The following ZRANB3 variants were observed in gnomAD, a reference collection of about 807,000 sequenced individuals.
ZRANB3 encodes DNA annealing helicase and endonuclease ZRANB3.
A neutral mutation model predicts 133.8 loss-of-function variants in ZRANB3; 125 were observed. The ratio of observed to expected loss-of-function variants is 0.93; its 90% CI spans 0.81 to 1.08. The LOEUF (loss-of-function observed/expected upper bound fraction) is 1.08. Among genes scored for constraint, ZRANB3 ranks in the 50% least tolerant of loss-of-function variants. ZRANB3 has a pLI of 0.00. For missense variants in ZRANB3, 1,229 were observed against 1,275.5 expected, an observed-to-expected ratio of 0.96 and a Z score of 0.56; for synonymous variants, 387 against 432.7, an observed-to-expected ratio of 0.89 and a Z score of 1.31.
chr2:135,262,060 T>C (rs1275714903), intron 12 of ZRANB3, among the ~76,000 whole-genome samples: 2 of 148,114 alleles, frequency 1.4e-5, no homozygotes. Context: ...CTTGGGAGGC[T>C]GAGGCAGGAG....
chr2:135,379,078 C>T (rs1435809487), intron 3 of ZRANB3, among the ~76,000 whole-genome samples: 1 of 151,946 alleles, frequency 6.6e-6, no homozygotes, highest in Non-Finnish European at 1.5e-5. Context: ...GACAAATGTA[C>T]CATACTAATC....
chr2:135,405,052 A>G (rs1005022479), intron 2 of ZRANB3, among the ~76,000 whole-genome samples: 1 of 152,204 alleles, frequency 6.6e-6, no homozygotes, highest in Non-Finnish European at 1.5e-5. Context: ...AAGACCCATC[A>G]GTGTGCTGTA....
chr2:135,470,950 C>T (rs368647021), intron 2 of ZRANB3, among the ~76,000 whole-genome samples: 3 of 151,204 alleles, frequency 2.0e-5, no homozygotes, highest in African/African-American at 2.4e-5. Context: ...TACAGGCGCC[C>T]GCCACCACGC....
chr2:135,410,908 T>C (rs1343902832), intron 2 of ZRANB3, among the ~76,000 whole-genome samples: 1 of 152,084 alleles, frequency 6.6e-6, no homozygotes, highest in Non-Finnish European at 1.5e-5. Flanking sequence ...CACAATAAGA[T>C]ACCATCTCAC....
rs147779548 is a variant in ZRANB3 at position 135,396,002 on chromosome 2, T to C, written c.162-5182A>G. Among the ~76,000 whole-genome samples, 863 of 152,272 alleles carry C rather than the reference T, an allele frequency of 5.7e-3. 10 individuals are homozygous for C. The highest frequency in any genetic ancestry group is 0.02 in the African/African-American group (830 of 41,556). ...AAATCTAATAATCCAATTTTTTAAATGGACAAAAGATCTGAATAGATATTT... is the reference window on the plus strand; with the variant it reads ...AAATCTAATAATCCAATTTTTTAAACGGACAAAAGATCTGAATAGATATTT... On this transcript the variant is annotated intron_variant, in intron 2 of 20. Transcript: ENST00000264159.
At chr2:135,529,699 G>A (rs147589808) in intron 1 of ZRANB3, among the ~76,000 whole-genome samples, 1 of 151,658 alleles carries the variant, frequency 6.6e-6, no homozygotes, top group Non-Finnish European at 1.5e-5. Flanking sequence ...GTTTTTAGCA[G>A]ACACAAGATT....
At chr2:135,432,726 G>A (rs1265253748) in intron 2 of ZRANB3, among the ~76,000 whole-genome samples, 1 of 152,170 alleles carries the variant, frequency 6.6e-6, no homozygotes, top group African/African-American at 2.4e-5. Context: ...CGTCTGAAAT[G>A]TAGGACAGTC....
chr2:135,386,237 A>G (rs1686964853), intron 3 of ZRANB3, among the ~76,000 whole-genome samples: 1 of 152,238 alleles, frequency 6.6e-6, no homozygotes, highest in Non-Finnish European at 1.5e-5. Flanking sequence ...AGACACATGA[A>G]AAAATGCTCA....
At chr2:135,415,937 A>G (rs911255988) in intron 2 of ZRANB3, among the ~76,000 whole-genome samples, 13 of 152,176 alleles carry the variant, frequency 8.5e-5, no homozygotes, top group African/African-American at 3.1e-4. Context: ...TCAATAAATT[A>G]GGTATTGATG....
chr2:135,404,603 C>T (rs1574048631), intron 2 of ZRANB3, among the ~76,000 whole-genome samples: 1 of 152,102 alleles, frequency 6.6e-6, no homozygotes, highest in Non-Finnish European at 1.5e-5. Flanking sequence ...ACAGAGAATG[C>T]TACAAAGATA....
intron 3 of ZRANB3, among the ~76,000 whole-genome samples, chr2:135,356,674 G>T (rs1454470567): frequency 6.6e-6 from 1 of 152,064 alleles, no homozygotes; most frequent in Non-Finnish European, 1.5e-5. Context: ...ATCTGTTTTT[G>T]TTGTTGTTTT....
At chr2:135,374,219 G>A (rs914837936) in intron 3 of ZRANB3, among the ~76,000 whole-genome samples, 28 of 152,124 alleles carry the variant, frequency 1.8e-4, no homozygotes, top group African/African-American at 5.8e-4. Context: ...CCACACTAGC[G>A]AACATGCGAA....
At chr2:135,285,279 C>T (rs1165857527) in intron 8 of ZRANB3, among the ~76,000 whole-genome samples, 2 of 152,166 alleles carry the variant, frequency 1.3e-5, no homozygotes, top group African/African-American at 4.8e-5. Flanking sequence ...TCCTCCATGC[C>T]ACATCTCCAT....
At chr2:135,506,178 G>A (rs914779588) in intron 1 of ZRANB3, among the ~76,000 whole-genome samples, 1 of 152,116 alleles carries the variant, frequency 6.6e-6, no homozygotes, top group Non-Finnish European at 1.5e-5. Context: ...ATCACCTGAG[G>A]TCAGGAGTTT....
rs950165990 is a variant in ZRANB3 at position 135,298,995 on chromosome 2, G to A, written c.966+14494C>T. On this transcript the variant is annotated intron_variant, in intron 8 of 20. Coordinates refer to ENST00000264159, the MANE Select transcript of ZRANB3 (RefSeq NM_032143.4). ...GAGAACATCAGCTGCAGCAGTATAG[G>A]GGGCATACAAGCTTGTCTAAAGTCC... Among the ~76,000 whole-genome samples, 28 of 152,084 alleles carry A rather than the reference G, an allele frequency of 1.8e-4. 1 individual carries two copies. Among genetic ancestry groups the A allele is most frequent in the African/African-American group, 2.4e-4 (10 of 41,398 alleles).
intron 2 of ZRANB3, among the ~76,000 whole-genome samples, chr2:135,414,752 C>G (rs998956274): frequency 3.3e-5 from 5 of 152,072 alleles, no homozygotes; most frequent in South Asian, 2.1e-4. Context: ...ATAACAAACT[C>G]TCTCTCAGAC....
intron 2 of ZRANB3, among the ~76,000 whole-genome samples, chr2:135,471,158 C>T (rs1270019130): frequency 6.6e-6 from 1 of 150,468 alleles, no homozygotes; most frequent in African/African-American, 2.5e-5. Flanking sequence ...AAAGAAATTA[C>T]AGAAATTTCT....
At chr2:135,337,870 T>C (rs765726760) in intron 6 of ZRANB3, among the ~76,000 whole-genome samples, 4 of 152,214 alleles carry the variant, frequency 2.6e-5, no homozygotes, top group Non-Finnish European at 5.9e-5. Flanking sequence ...CTCCTCTTAG[T>C]ATTTCACTTA....
At chr2:135,233,421 C>G (rs1334773477) in intron 12 of ZRANB3, among the ~76,000 whole-genome samples, 1 of 152,150 alleles carries the variant, frequency 6.6e-6, no homozygotes, top group Non-Finnish European at 1.5e-5. Context: ...GGCCAACATT[C>G]AAATTCAGGA....
Sources: allele counts gnomAD v4.1 joint callset (sites outside exome capture counted in the v4.1 genomes callset), GRCh38; gene constraint gnomAD v4.1.1; transcripts MANE v1.5; gene names NCBI Gene and HGNC (gene_info 2026-07-23, HGNC 2026-07-21).